The following FOXRED1 variants were observed in gnomAD, a reference collection of about 807,000 sequenced individuals.
FOXRED1 encodes FAD dependent oxidoreductase domain containing 1, also known as FAD-dependent oxidoreductase domain-containing protein 1.
FOXRED1 carries 52 observed loss-of-function variants against 57.8 expected under a neutral mutation model. The ratio of observed to expected loss-of-function variants is 0.90; its 90% CI spans 0.72 to 1.13. The LOEUF is 1.13. Among genes scored for constraint, FOXRED1 ranks in the 50% most tolerant of loss-of-function variants. FOXRED1 has a pLI of 0.00. For synonymous variants in FOXRED1, 271 were observed against 248.3 expected (o/e 1.09, Z -0.86); for missense variants, 589 against 625.2 (o/e 0.94, Z 0.62).
Position 126,273,394 on chromosome 11 carries a change from A to G in FOXRED1, c.476A>G (p.Tyr159Cys). 6.2e-7 allele frequency: 1 copy of G among 1,614,012 alleles called. No individual in the cohort carries two copies. The highest frequency in any genetic ancestry group is 8.5e-7 in the Non-Finnish European group (1 of 1,180,028). Residue 159 changes from tyrosine (Y) to cysteine (C), a missense_variant, in exon 4 of 11, where the codon TAC becomes TGC. Coordinates refer to ENST00000263578, the MANE Select transcript of FOXRED1 (RefSeq NM_017547.4). This position sits in a 1 kb window ranked among gnomAD's most constrained non-coding sequence, Gnocchi z 5.9. The stretch of plus-strand genomic sequence containing the variant: ...GACCTCCGGTTCAACCCCTCGGGCT[A>G]CCTCTTGCTGGCTTCAGAAAAGGAT... ...PLDLRFNPSG[Y>C]LLLASEKDAA...
chr11:126,271,796 A>T lies in FOXRED1; in HGVS notation c.306+139A>T. The T allele has an allele frequency of 1.3e-6, 1 of 750,560 alleles. No homozygotes were observed. The highest frequency in any genetic ancestry group is 1.5e-5 in the South Asian group (1 of 67,586). 46.5% of individuals were successfully genotyped at this position (750,560 alleles called of 1,614,324 possible). On this transcript the variant is annotated intron_variant, in intron 2 of 10. Coordinates refer to ENST00000263578, the MANE Select transcript of FOXRED1 (RefSeq NM_017547.4). The surrounding 1 kb of genome is among the most constrained non-coding windows in gnomAD (Gnocchi z 5.3). ...CCAACGGACAGAGATTGTGCTTTGG[A>T]CTTTGTTGAGAAATTTTCCTAGGAT...
In FOXRED1 at chr11:126,277,140, T is replaced by G. The variant is rs138061928; in HGVS notation, c.1171T>G (p.Leu391Val). 1,569 of 1,613,412 alleles carry G rather than the reference T, an allele frequency of 9.7e-4. 1 individual carries two copies. Among genetic ancestry groups the G allele is most frequent in the Non-Finnish European group, 1.1e-3 (1,254 of 1,179,628 alleles). ...DFFQDKVWPH[L>V]ALRVPAFETL... ...CTTCCAGGACAAGGTGTGGCCCCAT[T>G]TGGCCCTGAGGGTCCCAGCTTTTGA... Residue 391 changes from leucine (L) to valine (V), a missense_variant, in exon 10 of 11, where the codon TTG becomes GTG. Leu to Val is a conservative substitution (Grantham distance 32). Transcript: ENST00000263578. The surrounding 1 kb of genome is among the most constrained non-coding windows in gnomAD (Gnocchi z 6.8).
At position 126,275,936 on chromosome 11, in the gene FOXRED1, G is replaced by T. The variant is rs1312837486; in HGVS notation, c.810+66G>T. On this transcript the variant is annotated intron_variant, in intron 7 of 10. Transcript: ENST00000263578. The surrounding 1 kb of genome is among the most constrained non-coding windows in gnomAD (Gnocchi z 5.9). ...GACAGGGAAGGTAGTGACTCTCCTT[G>T]TTTTGGTTTTCTTTGACCCACTTTC... 18 of 1,550,090 alleles carry T rather than the reference G, an allele frequency of 1.2e-5. No homozygotes were observed. Among genetic ancestry groups the T allele is most frequent in the Non-Finnish European group, 1.4e-5 (16 of 1,122,270 alleles).
Position 126,275,613 on chromosome 11 carries a change from C to A in FOXRED1, c.734-181C>A. ...ACTTGTGATCTGCTTGATGATTGCA[C>A]CTGAGCACTGTCCTGTCAGAGTGTG... On this transcript the variant is annotated intron_variant, in intron 6 of 10. Coordinates refer to ENST00000263578, the MANE Select transcript of FOXRED1 (RefSeq NM_017547.4). This position sits in a 1 kb window ranked among gnomAD's most constrained non-coding sequence, Gnocchi z 5.9. 2 of 717,434 alleles carry A rather than the reference C, an allele frequency of 2.8e-6. No individual in the cohort carries two copies. Among genetic ancestry groups the A allele is most frequent in the Middle Eastern group, 3.4e-4 (1 of 2,902 alleles). 44.4% of individuals were successfully genotyped at this position (717,434 alleles called of 1,614,324 possible).
At position 126,275,450 on chromosome 11, in the gene FOXRED1, C is replaced by CAGTG; in HGVS notation, c.733+22_733+23insAGTG. On this transcript the variant is annotated intron_variant, in intron 6 of 10. Coordinates refer to ENST00000263578, the MANE Select transcript of FOXRED1 (RefSeq NM_017547.4). This position sits in a 1 kb window ranked among gnomAD's most constrained non-coding sequence, Gnocchi z 5.9. ...ACACGTGAGTCTGAGCTTGTTTCCT[C>CAGTG]TAGCAACCGGGGCATAGGCCTAGAC... 1 of 1,513,542 alleles carries CAGTG rather than the reference C, an allele frequency of 6.6e-7. No individual in the cohort carries two copies. The highest frequency in any genetic ancestry group is 9.2e-7 in the Non-Finnish European group (1 of 1,088,182). 93.8% of individuals were successfully genotyped at this position (1,513,542 alleles called of 1,614,324 possible). A position where few individuals can be genotyped will look rare whatever the true frequency, so the allele number is the denominator to read the frequency against.
Position 126,277,681 on chromosome 11 carries a change from A to G in FOXRED1, c.1453A>G (p.Ile485Val). 6.2e-7 allele frequency: 1 copy of G among 1,613,484 alleles called. No individual in the cohort carries two copies. The highest frequency in any genetic ancestry group is 1.3e-5 in the African/African-American group (1 of 75,036). Residue 485 changes from isoleucine (I) to valine (V), a missense_variant, in exon 11 of 11, where the codon ATC becomes GTC. Physicochemically the swap from Ile to Val is conservative, Grantham distance 29. Coordinates refer to ENST00000263578, the MANE Select transcript of FOXRED1 (RefSeq NM_017547.4). This position sits in a 1 kb window ranked among gnomAD's most constrained non-coding sequence, Gnocchi z 6.8. The part of the protein sequence containing the change: ...YLGEKIQENN[I>V]I ...GGGAGAGAAGATCCAGGAGAACAACATCATCTGAGCATGTGTGCTCTGCAC... is the reference window on the plus strand; with the variant it reads ...GGGAGAGAAGATCCAGGAGAACAACGTCATCTGAGCATGTGTGCTCTGCAC...
Position 126,277,837 on chromosome 11 carries a change from G to A in FOXRED1, c.*148G>A. On this transcript the variant is annotated 3_prime_UTR_variant, in exon 11 of 11. Transcript: ENST00000263578. This position sits in a 1 kb window ranked among gnomAD's most constrained non-coding sequence, Gnocchi z 6.8. The stretch of plus-strand genomic sequence containing the variant: ...CTCAGGCAGGCCATTGCACCCATAT[G>A]GCTGGGCAGGCACAGGCAGTGAGGC... The A allele has an allele frequency of 1.2e-6, 1 of 853,418 alleles. No individual in the cohort carries two copies. Among genetic ancestry groups the A allele is most frequent in the Non-Finnish European group, 1.9e-6 (1 of 513,424 alleles). 52.9% of individuals were successfully genotyped at this position (853,418 alleles called of 1,614,324 possible). A position where few individuals can be genotyped will look rare whatever the true frequency, so the allele number is the denominator to read the frequency against.
chr11:126,271,722 T>C lies in FOXRED1; in HGVS notation c.306+65T>C. On this transcript the variant is annotated intron_variant, in intron 2 of 10. Coordinates refer to ENST00000263578, the MANE Select transcript of FOXRED1 (RefSeq NM_017547.4). The surrounding 1 kb of genome is among the most constrained non-coding windows in gnomAD (Gnocchi z 5.3). The stretch of plus-strand genomic sequence containing the variant: ...AAAGATGACTCATTTTATTAAGGAC[T>C]CTAGCGACAAGGGAAGGAGAGGAGG... 1.5e-6 allele frequency: 2 copies of C among 1,308,774 alleles called. No homozygotes were observed. Among genetic ancestry groups the C allele is most frequent in the African/African-American group, 1.4e-5 (1 of 69,190 alleles). The allele number at this position is 1,308,774 out of a possible 1,614,324, so 81.1% of individuals were successfully genotyped here. A position where few individuals can be genotyped will look rare whatever the true frequency, so the allele number is the denominator to read the frequency against.
In FOXRED1 at chr11:126,271,432, C is replaced by G. The variant is rs747092782; in HGVS notation, c.86-5C>G. The G allele has an allele frequency of 1.9e-6, 3 of 1,610,414 alleles. No individual in the cohort carries two copies. In the Admixed American group the frequency reaches 5.0e-5, roughly 27 times the overall value. ...TGGCCCTCTGACCCTAACTACATCC[C>G]ACAGACTGGGATGGAAAGGTGTCTG... On this transcript the variant is annotated splice_polypyrimidine_tract_variant and splice_region_variant and intron_variant, in intron 1 of 10. Coordinates refer to ENST00000263578, the MANE Select transcript of FOXRED1 (RefSeq NM_017547.4). The surrounding 1 kb of genome is among the most constrained non-coding windows in gnomAD (Gnocchi z 5.3).
At chr11:126,276,317 G>GTGGTGTGTGT in intron 8 of FOXRED1, 77 bp from the exon 9 acceptor site, 1 of 795,718 alleles carries the variant, frequency 1.3e-6, no homozygotes, top group Non-Finnish European at 1.8e-6. Context: ...GTGTGTGTGG[G>GTGGTGTGTGT]GTGTGGGGTG....
Position 126,271,086 on chromosome 11 carries a change from C to T in FOXRED1, c.86-351C>T, listed in dbSNP as rs889856661. The stretch of plus-strand genomic sequence containing the variant: ...AGAGGGTGCCGTGACTTGGGGTGTG[C>T]CAGGGCCTCTTGGTCCAAGGCCTGG... On this transcript the variant is annotated intron_variant, in intron 1 of 10. Transcript: ENST00000263578. The surrounding 1 kb of genome is among the most constrained non-coding windows in gnomAD (Gnocchi z 5.3). 7 of 349,958 alleles carry T rather than the reference C, an allele frequency of 2.0e-5. No individual in the cohort carries two copies. The highest frequency in any genetic ancestry group is 1.6e-4 in the South Asian group (7 of 44,320). The allele number at this position is 349,958 out of a possible 1,614,324, so 21.7% of individuals were successfully genotyped here.
chr11:126,271,349 A>G lies in FOXRED1; in HGVS notation c.86-88A>G. The G allele has an allele frequency of 1.1e-6, 1 of 939,750 alleles. No individual in the cohort carries two copies. The highest frequency in any genetic ancestry group is 1.3e-5 in the South Asian group (1 of 76,226). The allele number at this position is 939,750 out of a possible 1,614,324, so 58.2% of individuals were successfully genotyped here. ...GGACTGCCAACTCATGTGTCTGTTT[A>G]GCTCACCTTTTCCTGTGCCCATCCT... On this transcript the variant is annotated intron_variant, in intron 1 of 10. Coordinates refer to ENST00000263578, the MANE Select transcript of FOXRED1 (RefSeq NM_017547.4). The surrounding 1 kb of genome is among the most constrained non-coding windows in gnomAD (Gnocchi z 5.3).
rs754235681 is a variant in FOXRED1 at position 126,275,815 on chromosome 11, G to A, written c.755G>A (p.Arg252His). ...GCAGGTTTTGTCTCTTCATCTCAAC[G>A]CATGTTGACCACAGATGACAAAGCG... ...EVTRFVSSSQRMLTTDDKAVV... is the reference protein window; with the variant it reads ...EVTRFVSSSQHMLTTDDKAVV... The change falls in exon 7 of 11, where the codon CGC (arginine) becomes CAC (histidine). Residue 252 changes from arginine (R) to histidine (H), a missense_variant. Arg to His is a conservative substitution (Grantham distance 29). Transcript: ENST00000263578. This position sits in a 1 kb window ranked among gnomAD's most constrained non-coding sequence, Gnocchi z 5.9. The A allele has an allele frequency of 1.9e-5, 30 of 1,612,040 alleles. No individual in the cohort carries two copies. The highest frequency in any genetic ancestry group is 1.3e-4 in the Admixed American group (8 of 59,966).
In FOXRED1 at chr11:126,276,489, G is replaced by A. The variant is rs769114038; in HGVS notation, c.1067G>A (p.Gly356Asp). The A allele has an allele frequency of 2.5e-6, 4 of 1,608,916 alleles. No individual in the cohort carries two copies. In the Admixed American group the frequency reaches 5.0e-5, roughly 20 times the overall value. The change falls in exon 9 of 11, where the codon GGT becomes GAT. Residue 356 changes from glycine to aspartate, a missense_variant. By Grantham distance (94) the Gly-to-Asp change is moderately conservative. Coordinates refer to ENST00000263578, the MANE Select transcript of FOXRED1 (RefSeq NM_017547.4). ...GCCTATTTTCGCCGGGAAGGATTAGGTAGCAACTACCTAGGTGGTCGTAGC... is the reference window on the plus strand; with the variant it reads ...GCCTATTTTCGCCGGGAAGGATTAGATAGCAACTACCTAGGTGGTCGTAGC... ...SGAYFRREGL[G>D]SNYLGGRSPT...
At chr11:126,269,382 A>G (rs755876630) in intron 1 of FOXRED1, 91 bp downstream of exon 1, 14 of 1,607,956 alleles carry the variant, frequency 8.7e-6, no homozygotes, top group East Asian at 2.2e-5. Context: ...CATGGCCCAC[A>G]CTGGCAGGAC....
chr11:126,273,216 C>T lies in FOXRED1; in HGVS notation c.418-120C>T. ...GGAGAGGGGGGCCCTGGCCTTCTTC[C>T]TAGTGGTGGTGCCGCAGGTCTGGGG... On this transcript the variant is annotated intron_variant, in intron 3 of 10. Transcript: ENST00000263578. The surrounding 1 kb of genome is among the most constrained non-coding windows in gnomAD (Gnocchi z 5.9). 1 of 968,150 alleles carries T rather than the reference C, an allele frequency of 1.0e-6. No individual in the cohort carries two copies. The highest frequency in any genetic ancestry group is 1.7e-6 in the Non-Finnish European group (1 of 591,320). The allele number at this position is 968,150 out of a possible 1,614,324, so 60.0% of individuals were successfully genotyped here. A position where few individuals can be genotyped will look rare whatever the true frequency, so the allele number is the denominator to read the frequency against.
chr11:126,271,518 C>T lies in FOXRED1; in HGVS notation c.167C>T (p.Thr56Ile), dbSNP rs750326188. 1.1e-5 allele frequency: 18 copies of T among 1,614,168 alleles called. No individual in the cohort carries two copies. The highest frequency in any genetic ancestry group is 1.1e-5 in the Non-Finnish European group (13 of 1,179,996). The change falls in exon 2 of 11, where the codon ACC becomes ATC. Residue 56 changes from threonine (T) to isoleucine (I), a missense_variant. Physicochemically the swap from Thr to Ile is moderately conservative, Grantham distance 89. Coordinates refer to ENST00000263578, the MANE Select transcript of FOXRED1 (RefSeq NM_017547.4). This position sits in a 1 kb window ranked among gnomAD's most constrained non-coding sequence, Gnocchi z 5.3. ...AGGTCCTGTGATCTACTGCAAGACACCAGCCACCTGCCTCCCGAGCACTCG... is the reference window on the plus strand; with the variant it reads ...AGGTCCTGTGATCTACTGCAAGACATCAGCCACCTGCCTCCCGAGCACTCG... ...PGRSCDLLQD[T>I]SHLPPEHSDV...
chr11:126,273,086 GC>G lies in FOXRED1; in HGVS notation c.417+8del. ...CTTTCTACGGAACATCAATGTAGGTGCAATGATATCCGGGATGTTGGGGTGG... is the reference window on the plus strand; with the variant it reads ...CTTTCTACGGAACATCAATGTAGGTGAATGATATCCGGGATGTTGGGGTGG... On this transcript the variant is annotated splice_region_variant and intron_variant, in intron 3 of 10. Transcript: ENST00000263578. The surrounding 1 kb of genome is among the most constrained non-coding windows in gnomAD (Gnocchi z 5.9). The G allele has an allele frequency of 6.9e-7, 1 of 1,443,466 alleles. No homozygotes were observed. The highest frequency in any genetic ancestry group is 9.8e-7 in the Non-Finnish European group (1 of 1,024,198). 89.4% of individuals were successfully genotyped at this position (1,443,466 alleles called of 1,614,324 possible). A position where few individuals can be genotyped will look rare whatever the true frequency, so the allele number is the denominator to read the frequency against.
In FOXRED1 at chr11:126,271,961, TC is replaced by T; in HGVS notation, c.306+305del. 2.9e-6 allele frequency: 1 copy of T among 346,226 alleles called. No individual in the cohort carries two copies. Among genetic ancestry groups the T allele is most frequent in the South Asian group, 2.5e-5 (1 of 40,068 alleles). 21.4% of individuals were successfully genotyped at this position (346,226 alleles called of 1,614,324 possible). ...GCTATAATTAAGTGTCTCAATTTTC[TC>T]TTTTTTTTTTTTTTTTTGAGACAGA... On this transcript the variant is annotated intron_variant, in intron 2 of 10. Coordinates refer to ENST00000263578, the MANE Select transcript of FOXRED1 (RefSeq NM_017547.4). The surrounding 1 kb of genome is among the most constrained non-coding windows in gnomAD (Gnocchi z 5.3).
Sources: allele counts gnomAD v4.1 joint callset, GRCh38; gene constraint gnomAD v4.1.1; non-coding constraint Gnocchi (gnomAD v3.1); transcripts MANE v1.5; gene names NCBI Gene and HGNC (gene_info 2026-07-23, HGNC 2026-07-21).